ATP13A4: variants seen among roughly 807,000 people sequenced by gnomAD.
The protein encoded by ATP13A4 is probable cation-transporting ATPase 13A4.
ATP13A4 carries 114 observed loss-of-function variants against 142.5 expected under a neutral mutation model. The ratio of observed to expected loss-of-function variants is 0.80; its 90% CI spans 0.69 to 0.93. The LOEUF is 0.93. Among genes scored for constraint, ATP13A4 ranks in the 40% least tolerant of loss-of-function variants. ATP13A4 has a pLI of 0.00. For missense variants in ATP13A4, 1,392 were observed against 1,454.0 expected (o/e 0.96, Z 0.69); for synonymous variants, 488 against 514.8 (o/e 0.95, Z 0.70).
In ATP13A4 at chr3:193,538,885, G is replaced by A. The variant is rs916091804; in HGVS notation, c.60+15855C>T. ...GGTGGCTATTTTTCTTTCTTTCTTG[G>A]TTTTTTCTTTTTTTTTTTTTTTTTT... On this transcript the variant is annotated intron_variant, in intron 1 of 29. Transcript: ENST00000342695. 2.1e-5 allele frequency among the ~76,000 whole-genome samples: 3 copies of A among 139,896 alleles called. No individual in the cohort carries two copies. The Admixed American group carries it at 2.2e-4, about 10-fold the overall frequency. 91.8% of individuals were successfully genotyped at this position (139,896 alleles called of 152,430 possible). A position where few individuals can be genotyped will look rare whatever the true frequency, so the allele number is the denominator to read the frequency against.
intron 2 of ATP13A4, among the ~76,000 whole-genome samples, chr3:193,511,456 G>A (rs1228105008): frequency 6.6e-6 from 1 of 152,186 alleles, no homozygotes; most frequent in Non-Finnish European, 1.5e-5. Context: ...TCCCAGAGGG[G>A]AATGCCAGGC....
At chr3:193,589,105 G>A (rs531047985) in intron 1 of ATP13A4, among the ~76,000 whole-genome samples, 220 of 152,120 alleles carry the variant, frequency 1.4e-3, no homozygotes, top group African/African-American at 5.0e-3. Flanking sequence ...GTGCCACTGC[G>A]CTCCAGCCTG....
intron 29 of ATP13A4, chr3:193,404,118 GT>G: frequency 2.0e-6 from 2 of 985,250 alleles, no homozygotes; most frequent in South Asian, 4.7e-5. Flanking sequence ...CTGCAGCAAG[GT>G]TTTTTTGTCC....
intron 3 of ATP13A4, among the ~76,000 whole-genome samples, chr3:193,499,175 G>T (rs1016222985): frequency 6.6e-6 from 1 of 152,168 alleles, no homozygotes; most frequent in African/African-American, 2.4e-5. Context: ...TTTCAGCAAG[G>T]TTGATTGAAA....
chr3:193,410,986 A>G lies in ATP13A4; in HGVS notation c.3293T>C (p.Leu1098Ser), dbSNP rs753749300. 4 of 1,594,016 alleles carry G rather than the reference A, an allele frequency of 2.5e-6. No homozygotes were observed. The highest frequency in any genetic ancestry group is 2.7e-5 in the African/African-American group (2 of 74,526). Reference sequence around the variant, plus strand: ...TATCCCAAAGATTAGACTTACATCCAAACGTCTATATAATTCTGGTATATC... The same window carrying G: ...TATCCCAAAGATTAGACTTACATCCGAACGTCTATATAATTCTGGTATATC... The part of the protein sequence containing the change: ...FADIPELYRR[L>S]DLLCTPVLWR... Residue 1098 changes from leucine (L) to serine (S), a missense_variant, in exon 28 of 30, where the codon TTG becomes TCG. Coordinates refer to ENST00000342695, the MANE Select transcript of ATP13A4 (RefSeq NM_032279.4).
chr3:193,481,817 CAT>C (rs1211081677), intron 8 of ATP13A4, among the ~76,000 whole-genome samples: 1 of 152,138 alleles, frequency 6.6e-6, no homozygotes, highest in Non-Finnish European at 1.5e-5. Flanking sequence ...TTGTACATTT[CAT>C]ATTAGTACTG....
chr3:193,467,595 GT>G, intron 9 of ATP13A4, 109 bp from the exon 10 acceptor site: 1 of 1,121,936 alleles, frequency 8.9e-7, no homozygotes, highest in Non-Finnish European at 1.3e-6. Flanking sequence ...AGCCTACCAT[GT>G]GGCAGAGACA....
upstream of ATP13A4, among the ~76,000 whole-genome samples, chr3:193,559,600 C>T (rs1414155855): frequency 1.3e-5 from 2 of 152,138 alleles, no homozygotes; most frequent in Middle Eastern, 3.2e-3. Context: ...CATTTAGCAA[C>T]CCTTAGATTA....
At chr3:193,528,815 C>T (rs1470164901) in intron 1 of ATP13A4, among the ~76,000 whole-genome samples, 3 of 152,220 alleles carry the variant, frequency 2.0e-5, no homozygotes, top group Non-Finnish European at 4.4e-5. Context: ...ACTTTTTCTT[C>T]TACCAGAATG....
chr3:193,412,492 C>T (rs1392625268), intron 26 of ATP13A4, 121 bp from the exon 27 acceptor site: 3 of 674,778 alleles, frequency 4.4e-6, no homozygotes, highest in Non-Finnish European at 2.6e-6. Flanking sequence ...TCTACAATTG[C>T]CTGTGCTTTG....
exon 2 of ATP13A4, chr3:193,581,885 G>C (rs770162327): frequency 2.6e-5 from 4 of 151,890 alleles, no homozygotes; most frequent in Non-Finnish European, 4.4e-5. Flanking sequence ...CTGTCTTTTC[G>C]ATGAGGACAG....
At chr3:193,557,953 C>G (rs1326780839), upstream of ATP13A4, among the ~76,000 whole-genome samples, 1 of 152,202 alleles carries the variant, frequency 6.6e-6, no homozygotes. Flanking sequence ...CTCACTGCAG[C>G]ATGGGCTGCA....
At position 193,400,865 on chromosome 3, in the gene ATP13A4, G is replaced by A. The variant is rs527250429; in HGVS notation, c.*1787C>T. 6.6e-6 allele frequency among the ~76,000 whole-genome samples: 1 copy of A among 152,318 alleles called. No individual in the cohort carries two copies. The highest frequency in any genetic ancestry group is 2.1e-4 in the South Asian group (1 of 4,820). ...CTACAACCCTCTACTTTTGGAAAATGAGAAACACTTTTAGAGAAGGACATT... is the reference window on the plus strand; with the variant it reads ...CTACAACCCTCTACTTTTGGAAAATAAGAAACACTTTTAGAGAAGGACATT... On this transcript the variant is annotated 3_prime_UTR_variant, in exon 30 of 30. Transcript: ENST00000342695.
At chr3:193,536,393 G>C (rs1294448318) in intron 1 of ATP13A4, among the ~76,000 whole-genome samples, 1 of 151,888 alleles carries the variant, frequency 6.6e-6, no homozygotes, top group Non-Finnish European at 1.5e-5. Flanking sequence ...ACAGACTAAA[G>C]AAGAAAAATC....
chr3:193,554,985 C>CCCA, upstream of ATP13A4: 1 of 1,465,188 alleles, frequency 6.8e-7, no homozygotes, highest in Non-Finnish European at 9.2e-7. Flanking sequence ...CTGAACTCCT[C>CCCA]CCACGAGTCG....
chr3:193,528,403 G>T (rs898007109), intron 1 of ATP13A4, among the ~76,000 whole-genome samples: 2 of 152,218 alleles, frequency 1.3e-5, no homozygotes, highest in Non-Finnish European at 1.5e-5. Context: ...AAGCCATGAT[G>T]CATGGCTCAG....
intron 29 of ATP13A4, among the ~76,000 whole-genome samples, chr3:193,404,327 T>C (rs1348153176): frequency 2.0e-5 from 3 of 152,170 alleles, no homozygotes; most frequent in Non-Finnish European, 2.9e-5. Context: ...TCAGTGTTTT[T>C]TAGTTCTGGA....
At chr3:193,524,535 A>G (rs1393178211) in intron 1 of ATP13A4, among the ~76,000 whole-genome samples, 1 of 152,242 alleles carries the variant, frequency 6.6e-6, no homozygotes, top group African/African-American at 2.4e-5. Context: ...TACAGAGGTC[A>G]GTATCTGGGA....
intron 2 of ATP13A4, among the ~76,000 whole-genome samples, chr3:193,510,208 T>C (rs1007376328): frequency 6.6e-6 from 1 of 152,192 alleles, no homozygotes; most frequent in African/African-American, 2.4e-5. Flanking sequence ...ACTGGTACAC[T>C]GGCAGACTTT....
Sources: gnomAD v4.1 joint callset for allele counts (sites outside exome capture counted in the v4.1 genomes callset) on GRCh38, gnomAD v4.1.1 for gene constraint, MANE v1.5 for transcripts, NCBI Gene and HGNC (gene_info 2026-07-23, HGNC 2026-07-21) for gene names.